Variants in IRAK1BP1 observed in about 807,000 individuals in gnomAD.
The protein encoded by IRAK1BP1 is interleukin 1 receptor associated kinase 1 binding protein 1.
In IRAK1BP1, 24 loss-of-function variants were observed where a neutral mutation model predicts 28.0. The ratio of observed to expected loss-of-function variants is 0.86; its 90% CI spans 0.62 to 1.20. IRAK1BP1 has a LOEUF of 1.20. Among genes scored for constraint, IRAK1BP1 ranks in the 50% most tolerant of loss-of-function variants. IRAK1BP1 has a pLI of 0.00. For missense variants in IRAK1BP1, 336 were observed against 316.7 expected, an observed-to-expected ratio of 1.06 and a Z score of -0.46; for synonymous variants, 131 against 116.3, an observed-to-expected ratio of 1.13 and a Z score of -0.81.
intron 4 of IRAK1BP1, chr6:78,941,305 T>C: frequency 1.2e-6 from 2 of 1,613,382 alleles, no homozygotes; most frequent in Non-Finnish European, 1.7e-6. Context: ...TGGTTCCTGG[T>C]ACAAGAGCGT....
intron 4 of IRAK1BP1, among the ~76,000 whole-genome samples, chr6:78,924,547 A>G (rs1206805613): frequency 1.3e-5 from 2 of 152,178 alleles, no homozygotes; most frequent in Non-Finnish European, 2.9e-5. Context: ...AAAAGAGGGA[A>G]TCCTCCCTAA....
exon 5 of IRAK1BP1, chr6:78,945,997 T>TTACTTG: frequency 6.3e-7 from 1 of 1,597,286 alleles, no homozygotes; most frequent in Non-Finnish European, 8.6e-7. Flanking sequence ...AAAGTGAGTC[T>TTACTTG]TACTTGTTTT....
Position 78,898,351 on chromosome 6 carries a change from T to C in IRAK1BP1, c.*17T>C. On this transcript the variant is annotated 3_prime_UTR_variant, in exon 4 of 4. Transcript: ENST00000369940. ...CACCTTTGAAATTCCAAACAAATTA[T>C]ATTGTACTTGTATCTTTTTACCTAT... 1 of 1,392,042 alleles carries C rather than the reference T, an allele frequency of 7.2e-7. No homozygotes were observed. The highest frequency in any genetic ancestry group is 9.8e-7 in the Non-Finnish European group (1 of 1,020,892). The allele number at this position is 1,392,042 out of a possible 1,614,324, so 86.2% of individuals were successfully genotyped here.
chr6:78,912,540 ACAC>A lies in IRAK1BP1; in HGVS notation c.*67+9445_*67+9447del, dbSNP rs780097580. Among the ~76,000 whole-genome samples the A allele has an allele frequency of 6.6e-5, 10 of 152,074 alleles. 1 individual carries two copies. The highest frequency in any genetic ancestry group is 7.4e-5 in the Non-Finnish European group (5 of 68,006). On this transcript the variant is annotated intron_variant and NMD_transcript_variant, in intron 4 of 4. Coordinates refer to the IRAK1BP1 transcript ENST00000606868. ...CACATAAATGTGTATACACACATAC[ACAC>A]CACCACCACCACCAGCAACAGTGCA...
At chr6:78,967,672 A>G in the IRAK1BP1 span, among the ~76,000 whole-genome samples, 1 of 152,202 alleles carries the variant, frequency 6.6e-6, no homozygotes, top group Non-Finnish European at 1.5e-5. Context: ...ATAAAATTGT[A>G]AGATCCAAAT....
rs553210596 is a variant in IRAK1BP1, at chr6:78,893,000, A to C, written c.382-4829A>C. 3.9e-5 allele frequency among the ~76,000 whole-genome samples: 6 copies of C among 152,150 alleles called. No individual in the cohort carries two copies. The South Asian group carries it at 1.2e-3, about 32-fold the overall frequency. ...GGGGACAAGAAAAATACTTGGAAAA[A>C]TTATGACCCAAAAATATCCAAACTT... On this transcript the variant is annotated intron_variant, in intron 2 of 3. Coordinates refer to ENST00000369940, the MANE Select transcript of IRAK1BP1 (RefSeq NM_001010844.4).
At chr6:78,955,998 CTTTCT>C in the IRAK1BP1 span, 14 of 179,968 alleles carry the variant, frequency 7.8e-5, no homozygotes, top group South Asian at 3.9e-4. Flanking sequence ...TCTTCCAACT[CTTTCT>C]TTTATTTTTA....
the IRAK1BP1 span, chr6:78,978,805 A>C: frequency 9.8e-7 from 1 of 1,023,180 alleles, no homozygotes; most frequent in Non-Finnish European, 1.4e-6. Context: ...ATAATTAAAT[A>C]AAAGGGGAAG....
At chr6:78,946,253 T>C in exon 5 of IRAK1BP1, 1 of 1,612,316 alleles carries the variant, frequency 6.2e-7, no homozygotes, top group Non-Finnish European at 8.5e-7. Flanking sequence ...CTTTTTTTCC[T>C]TTCAGGGCTG....
intron 1 of IRAK1BP1, among the ~76,000 whole-genome samples, chr6:78,873,362 C>T (rs1770865725): frequency 1.4e-5 from 2 of 145,888 alleles, no homozygotes; most frequent in African/African-American, 5.0e-5. Flanking sequence ...TAGTATTGAA[C>T]TTTCAAAATC....
At chr6:78,971,486 T>G in the IRAK1BP1 span, among the ~76,000 whole-genome samples, 1 of 152,326 alleles carries the variant, frequency 6.6e-6, no homozygotes, top group African/African-American at 2.4e-5. Context: ...TATCCCATAC[T>G]TTCATTCTAT....
In IRAK1BP1 at chr6:78,898,243, A is replaced by G. The variant is rs187076549; in HGVS notation, c.692A>G (p.Gln231Arg). ...CTCTCAAGTTCATTAACTGTACAAC[A>G]AAAAATCAAAAGTGCAACAATACAT... is the stretch of plus-strand genomic sequence containing the variant. ...SRLSSSLTVQQKIKSATIHAA... is the reference protein window; with the variant it reads ...SRLSSSLTVQRKIKSATIHAA... Residue 231 changes from glutamine (Q) to arginine (R), a missense_variant, in exon 4 of 4, where the codon CAA becomes CGA. Transcript: ENST00000369940. 6.2e-7 allele frequency: 1 copy of G among 1,613,456 alleles called. No homozygotes were observed. Among genetic ancestry groups the G allele is most frequent in the East Asian group, 2.2e-5 (1 of 44,830 alleles).
the IRAK1BP1 span, among the ~76,000 whole-genome samples, chr6:78,965,193 T>C: frequency 6.6e-6 from 1 of 152,234 alleles, no homozygotes; most frequent in Non-Finnish European, 1.5e-5. Flanking sequence ...ACACACATGA[T>C]GCTATTTAAT....
the IRAK1BP1 span, chr6:78,969,786 G>GAA: frequency 7.1e-6 from 6 of 846,446 alleles, no homozygotes; most frequent in South Asian, 1.9e-5. Flanking sequence ...CACTTACTAA[G>GAA]AAAAAAAAAC....
the IRAK1BP1 span, among the ~76,000 whole-genome samples, chr6:78,967,997 G>A: frequency 6.6e-6 from 1 of 152,038 alleles, no homozygotes; most frequent in East Asian, 1.9e-4. Flanking sequence ...AATTAGCCAG[G>A]CGTGGTGGCA....
At chr6:78,975,947 G>A in the IRAK1BP1 span, among the ~76,000 whole-genome samples, 1 of 151,120 alleles carries the variant, frequency 6.6e-6, no homozygotes, top group African/African-American at 2.4e-5. Context: ...TGGCCATACT[G>A]CCCAAGGTAA....
chr6:78,948,376 T>C (rs1182298383), downstream of IRAK1BP1, among the ~76,000 whole-genome samples: 1 of 152,126 alleles, frequency 6.6e-6, no homozygotes, highest in Non-Finnish European at 1.5e-5. Context: ...AGGTAACAGA[T>C]TGGAACCAAT....
Position 78,946,068 on chromosome 6 carries a change from T to C in IRAK1BP1, c.*728T>C, listed in dbSNP as rs757356544. Reference sequence around the variant, plus strand: ...AAGTCTTTGCAGCTGAAGAAGTAGATGGTTGCTCAGTGACAACTGGATCTA... The same window carrying C: ...AAGTCTTTGCAGCTGAAGAAGTAGACGGTTGCTCAGTGACAACTGGATCTA... On this transcript the variant is annotated 3_prime_UTR_variant and NMD_transcript_variant, in exon 5 of 5. Transcript: ENST00000606868. The C allele has an allele frequency of 2.0e-5, 33 of 1,612,748 alleles. No homozygotes were observed. The highest frequency in any genetic ancestry group is 2.0e-4 in the South Asian group (18 of 91,058).
intron 4 of IRAK1BP1, among the ~76,000 whole-genome samples, chr6:78,924,230 G>A: frequency 6.6e-6 from 1 of 152,052 alleles, no homozygotes; most frequent in East Asian, 1.9e-4. Context: ...AATGATAAAG[G>A]GGATATCACC....
Sources: gnomAD v4.1 joint callset for allele counts (sites outside exome capture counted in the v4.1 genomes callset) on GRCh38, gnomAD v4.1.1 for gene constraint, MANE v1.5 for transcripts, NCBI Gene and HGNC (gene_info 2026-07-23, HGNC 2026-07-21) for gene names.